Variants in CFAP36 observed in about 807,000 individuals in gnomAD.
CFAP36 encodes the protein cilia and flagella associated protein 36, also known as cilia- and flagella-associated protein 36.
CFAP36 carries 37 observed loss-of-function variants against 50.5 expected under a neutral mutation model. That is an observed-to-expected ratio of 0.73 (90% CI 0.56 to 0.96). CFAP36 has a LOEUF of 0.96. Ranked by LOEUF, CFAP36 falls within the 50% of genes least tolerant of loss-of-function variation. The pLI, the probability that CFAP36 is intolerant of heterozygous loss-of-function variation, is 0.00. For missense variants in CFAP36, 407 were observed against 396.2 expected (o/e 1.03, Z -0.23); for synonymous variants, 138 against 128.2 (o/e 1.08, Z -0.52).
chr2:55,521,777 G>A (rs926247265), intron 1 of CFAP36, among the ~76,000 whole-genome samples: 3 of 151,610 alleles, frequency 2.0e-5, no homozygotes, highest in Non-Finnish European at 4.4e-5. Context: ...CTACAGGCGC[G>A]CACAACCACG....
intron 4 of CFAP36, chr2:55,531,231 C>G (rs927884394): frequency 6.6e-5 from 10 of 152,166 alleles, no homozygotes; most frequent in African/African-American, 2.4e-4. Context: ...TTCCTGAAAA[C>G]TATGCTTTAT....
chr2:55,532,323 T>C (rs567930188), intron 4 of CFAP36, among the ~76,000 whole-genome samples: 1 of 152,332 alleles, frequency 6.6e-6, no homozygotes, highest in East Asian at 1.9e-4. Flanking sequence ...AAATAGTTCT[T>C]AATGATGAGA....
At chr2:55,522,854 GGA>G (rs1684108057) in intron 2 of CFAP36, among the ~76,000 whole-genome samples, 1 of 151,974 alleles carries the variant, frequency 6.6e-6, no homozygotes, top group Non-Finnish European at 1.5e-5. Context: ...CCAGCACTTT[GGA>G]GGCCAAGGCA....
At chr2:55,526,692 C>T (rs1684216434) in intron 3 of CFAP36, among the ~76,000 whole-genome samples, 1 of 152,112 alleles carries the variant, frequency 6.6e-6, no homozygotes, top group Non-Finnish European at 1.5e-5. Flanking sequence ...ATCCTCCTGC[C>T]TCACCCTCCC....
At position 55,521,593 on chromosome 2, in the gene CFAP36, A is replaced by ATGTGTGTGTG. The variant is rs72277001; in HGVS notation, c.116-508_116-507insGTGTGTGTGT. Among the ~76,000 whole-genome samples the ATGTGTGTGTG allele has an allele frequency of 6.7e-4, 99 of 147,494 alleles. 2 individuals are homozygous for ATGTGTGTGTG. Among genetic ancestry groups the ATGTGTGTGTG allele is most frequent in the East Asian group, 4.3e-3 (22 of 5,108 alleles). ...AAAGCTTGTTTACAATTAATAGTAT[A>ATGTGTGTGTG]TATGTGTGTGTGTGTGTGTGTGTGT... On this transcript the variant is annotated intron_variant, in intron 1 of 9. Transcript: ENST00000349456.
At chr2:55,544,579 A>AT (rs1684724432) in intron 9 of CFAP36, among the ~76,000 whole-genome samples, 1 of 152,016 alleles carries the variant, frequency 6.6e-6, no homozygotes, top group Non-Finnish European at 1.5e-5. Flanking sequence ...GTCATTATAC[A>AT]TTTTTTTCTT....
At position 55,539,799 on chromosome 2, in the gene CFAP36, T is replaced by C. The variant is rs72919797; in HGVS notation, c.640+2214T>C. 5.5e-3 allele frequency among the ~76,000 whole-genome samples: 842 copies of C among 152,336 alleles called. 5 individuals are homozygous for C. Among genetic ancestry groups the C allele is most frequent in the Middle Eastern group, 0.02 (6 of 294 alleles). On this transcript the variant is annotated intron_variant, in intron 7 of 9. Coordinates refer to ENST00000349456, the MANE Select transcript of CFAP36 (RefSeq NM_080667.7). ...ATTTGGTGTTGTCAGTGTTCTGGATTTGGAGTATTCTAGTAGGTGTGTAGT... is the reference window on the plus strand; with the variant it reads ...ATTTGGTGTTGTCAGTGTTCTGGATCTGGAGTATTCTAGTAGGTGTGTAGT...
chr2:55,521,956 A>G (rs1284170262), intron 1 of CFAP36, 146 bp from the exon 2 acceptor site: 1 of 506,700 alleles, frequency 2.0e-6, no homozygotes, highest in Non-Finnish European at 3.6e-6. Context: ...AGATATATTC[A>G]TTTATATATT....
chr2:55,531,753 G>C (rs1197055404), intron 4 of CFAP36, among the ~76,000 whole-genome samples: 1 of 152,140 alleles, frequency 6.6e-6, no homozygotes, highest in Non-Finnish European at 1.5e-5. Flanking sequence ...ATTAGGATTG[G>C]GGTCACTTGC....
chr2:55,527,166 G>T (rs1338347144), intron 3 of CFAP36, among the ~76,000 whole-genome samples: 4 of 152,180 alleles, frequency 2.6e-5, no homozygotes, highest in Non-Finnish European at 4.4e-5. Context: ...AATGTGTGAG[G>T]CAGAAACGGA....
chr2:55,536,408 G>C (rs1347595517), intron 6 of CFAP36, among the ~76,000 whole-genome samples: 1 of 151,828 alleles, frequency 6.6e-6, no homozygotes, highest in Non-Finnish European at 1.5e-5. Context: ...TGGGATTACA[G>C]GTGTGAGCCA....
At chr2:55,524,357 T>G (rs1684146450) in intron 3 of CFAP36, among the ~76,000 whole-genome samples, 1 of 151,832 alleles carries the variant, frequency 6.6e-6, no homozygotes, top group African/African-American at 2.4e-5. Context: ...TGGGCTCAGG[T>G]AATCCTCCCA....
At chr2:55,535,013 G>A (rs1034112716) in intron 5 of CFAP36, among the ~76,000 whole-genome samples, 3 of 152,194 alleles carry the variant, frequency 2.0e-5, no homozygotes, top group Non-Finnish European at 4.4e-5. Context: ...TGAGTTTACA[G>A]GTTTGAGATG....
Position 55,519,912 on chromosome 2 carries a change from T to G in CFAP36, c.111T>G (p.Cys37Trp). Residue 37 changes from cysteine to tryptophan, a missense_variant, in exon 1 of 10, where the codon TGT becomes TGG. Physicochemically the swap from Cys to Trp is radical, Grantham distance 215. Coordinates refer to ENST00000349456, the MANE Select transcript of CFAP36 (RefSeq NM_080667.7). Reference sequence around the variant, plus strand: ...TCTTGGACTTTGTGGAACAGAAATGTGAAGGTAAAAACCAGAGCCCGAACC... The same window carrying G: ...TCTTGGACTTTGTGGAACAGAAATGGGAAGGTAAAAACCAGAGCCCGAACC... The part of the protein sequence containing the change: ...IPILDFVEQK[C>W]EVFDDEEESK... 6.2e-7 allele frequency: 1 copy of G among 1,614,094 alleles called. No homozygotes were observed. Among genetic ancestry groups the G allele is most frequent in the Non-Finnish European group, 8.5e-7 (1 of 1,179,942 alleles).
intron 5 of CFAP36, among the ~76,000 whole-genome samples, chr2:55,534,301 C>G (rs1424478232): frequency 6.6e-6 from 1 of 152,188 alleles, no homozygotes; most frequent in Non-Finnish European, 1.5e-5. Flanking sequence ...TCCTTGGCTT[C>G]TGGATCTCAC....
At chr2:55,528,335 CTTTT>C (rs1287604458) in intron 3 of CFAP36, among the ~76,000 whole-genome samples, 1 of 150,438 alleles carries the variant, frequency 6.6e-6, no homozygotes, top group Non-Finnish European at 1.5e-5. Flanking sequence ...CTCCAGCTTT[CTTTT>C]TTTTTAAACA....
chr2:55,524,180 T>G (rs1211394021), intron 3 of CFAP36, among the ~76,000 whole-genome samples: 1 of 152,238 alleles, frequency 6.6e-6, no homozygotes, highest in Admixed American at 6.5e-5. Context: ...CTTCCTTCTC[T>G]TGGAACTACT....
At position 55,520,516 on chromosome 2, in the gene CFAP36, G is replaced by A. The variant is rs376982895; in HGVS notation, c.115+600G>A. 36 of 1,496,054 alleles carry A rather than the reference G, an allele frequency of 2.4e-5. No individual in the cohort carries two copies. The African/African-American group carries it at 4.2e-4, about 18-fold the overall frequency. The allele number at this position is 1,496,054 out of a possible 1,614,324, so 92.7% of individuals were successfully genotyped here. A position where few individuals can be genotyped will look rare whatever the true frequency, so the allele number is the denominator to read the frequency against. On this transcript the variant is annotated intron_variant, in intron 1 of 9. Transcript: ENST00000349456. ...ACTCTTCGCTATACCAAAAATTGGC[G>A]AGGTGGGGCAGGACCATTCTTGGAA...
intron 4 of CFAP36, among the ~76,000 whole-genome samples, chr2:55,531,517 A>G (rs6545505): frequency 0.91 from 138,946 of 152,222 alleles, 63,986 homozygotes; most frequent in African/African-American, 0.97. Context: ...CAGGTTCGGG[A>G]TTGGTTAATT....
Sources: allele counts gnomAD v4.1 joint callset (sites outside exome capture counted in the v4.1 genomes callset), GRCh38; gene constraint gnomAD v4.1.1; transcripts MANE v1.5; gene names NCBI Gene and HGNC (gene_info 2026-07-23, HGNC 2026-07-21).